The following SLC39A11 variants were observed in gnomAD, a reference collection of about 807,000 sequenced individuals.
SLC39A11 encodes zinc transporter ZIP11.
SLC39A11 carries 33 observed loss-of-function variants against 36.1 expected under a neutral mutation model. The observed-to-expected ratio is 0.91, with a 90% CI of 0.69 to 1.22. The LOEUF (loss-of-function observed/expected upper bound fraction) is 1.22, where lower values mean the gene tolerates loss of function less well. Among genes scored for constraint, SLC39A11 ranks in the 50% most tolerant of loss-of-function variants. The probability of loss-of-function intolerance (pLI) is 0.00; values close to 1 mark genes in which losing one functional copy is unlikely to be tolerated. For missense variants in SLC39A11, 432 were observed against 430.3 expected, an observed-to-expected ratio of 1.00 and a Z score of -0.03; for synonymous variants, 166 against 170.3, an observed-to-expected ratio of 0.97 and a Z score of 0.20.
intron 4 of SLC39A11, among the ~76,000 whole-genome samples, chr17:72,950,640 T>C (rs957251676): frequency 1.3e-5 from 2 of 152,208 alleles, no homozygotes; most frequent in African/African-American, 2.4e-5. Flanking sequence ...CTTTTTATAA[T>C]GTGATTGATG....
intron 6 of SLC39A11, among the ~76,000 whole-genome samples, chr17:72,752,827 A>T (rs1191394504): frequency 1.3e-5 from 2 of 152,020 alleles, no homozygotes; most frequent in Admixed American, 6.6e-5. Context: ...CAACAATTTC[A>T]TCTTTGTTTC....
intron 6 of SLC39A11, among the ~76,000 whole-genome samples, chr17:72,756,275 T>C (rs1015413204): frequency 6.6e-6 from 1 of 152,258 alleles, no homozygotes; most frequent in Non-Finnish European, 1.5e-5. Flanking sequence ...GCAATTCTAC[T>C]TCTGGATACA....
intron 4 of SLC39A11, among the ~76,000 whole-genome samples, chr17:72,982,755 T>C (rs76001538): frequency 0.025 from 3,836 of 151,978 alleles, 110 homozygotes; most frequent in East Asian, 0.12. Flanking sequence ...TGATTCAATG[T>C]TAGCAAATCT....
intron 5 of SLC39A11, among the ~76,000 whole-genome samples, chr17:72,910,398 C>T (rs933350403): frequency 6.6e-6 from 1 of 151,946 alleles, no homozygotes; most frequent in Admixed American, 6.6e-5. Flanking sequence ...CTGAGGCAGG[C>T]AGATCTCTTG....
At chr17:72,736,779 C>G (rs1216785401) in intron 6 of SLC39A11, 60 bp from the exon 7 acceptor site, 2 of 1,309,682 alleles carry the variant, frequency 1.5e-6, no homozygotes, top group Non-Finnish European at 2.2e-6. Flanking sequence ...AGGAACATCA[C>G]CATCACTGTC....
At chr17:72,823,427 C>A (rs2077880665) in intron 6 of SLC39A11, among the ~76,000 whole-genome samples, 1 of 151,216 alleles carries the variant, frequency 6.6e-6, no homozygotes, top group Non-Finnish European at 1.5e-5. Flanking sequence ...ACTCATCTGG[C>A]AACAGCAGCC....
chr17:72,979,174 C>G (rs116725332), intron 4 of SLC39A11, among the ~76,000 whole-genome samples: 2,927 of 152,246 alleles, frequency 0.019, 90 homozygotes, highest in African/African-American at 0.066. Flanking sequence ...GGCTCCTCCC[C>G]CTTCGCTTGC....
At chr17:73,026,830 G>T (rs115869540) in intron 4 of SLC39A11, among the ~76,000 whole-genome samples, 292 of 152,032 alleles carry the variant, frequency 1.9e-3, no homozygotes, top group African/African-American at 6.5e-3. Context: ...AACTGAAGGC[G>T]GGCCAGGTGT....
chr17:72,686,525 C>T (rs1253849998), intron 7 of SLC39A11, among the ~76,000 whole-genome samples: 1 of 151,844 alleles, frequency 6.6e-6, no homozygotes, highest in African/African-American at 2.4e-5. Context: ...TCCCTCCAGA[C>T]CCCCCTCTGC....
chr17:72,924,977 G>A (rs1397315911), intron 5 of SLC39A11, among the ~76,000 whole-genome samples: 1 of 149,752 alleles, frequency 6.7e-6, no homozygotes, highest in African/African-American at 2.5e-5. Context: ...ACTCCAGCCT[G>A]GGTGACAGAG....
At chr17:72,934,248 C>T (rs758727901) in intron 5 of SLC39A11, among the ~76,000 whole-genome samples, 5 of 152,098 alleles carry the variant, frequency 3.3e-5, no homozygotes, top group Admixed American at 3.3e-4. Context: ...GGCAGTTCAT[C>T]AAGATTAAAA....
chr17:72,647,191 G>C lies in SLC39A11; in HGVS notation c.*393C>G, dbSNP rs762581023. 6.0e-6 allele frequency: 1 copy of C among 167,358 alleles called. No homozygotes were observed. Among genetic ancestry groups the C allele is most frequent in the Non-Finnish European group, 1.3e-5 (1 of 77,932 alleles). 10.4% of individuals were successfully genotyped at this position (167,358 alleles called of 1,614,324 possible). A position where few individuals can be genotyped will look rare whatever the true frequency, so the allele number is the denominator to read the frequency against. ...AGGTGTGCTGGCCACTCTGCCCTGA[G>C]TCACTAGGCCACCAAAATGCTTAGG... On this transcript the variant is annotated 3_prime_UTR_variant, in exon 10 of 10. Transcript: ENST00000255559.
chr17:72,848,976 A>G (rs988018406), intron 6 of SLC39A11, among the ~76,000 whole-genome samples: 1 of 152,212 alleles, frequency 6.6e-6, no homozygotes. Flanking sequence ...GTTGACCAGA[A>G]GTCTTACCAA....
At chr17:72,960,693 T>C (rs1208712969) in intron 4 of SLC39A11, among the ~76,000 whole-genome samples, 1 of 152,076 alleles carries the variant, frequency 6.6e-6, no homozygotes, top group South Asian at 2.1e-4. Context: ...GGCATATCTC[T>C]GTGGTCCCAG....
At chr17:72,824,372 G>C (rs2145604731) in intron 6 of SLC39A11, among the ~76,000 whole-genome samples, 2 of 151,426 alleles carry the variant, frequency 1.3e-5, no homozygotes, top group East Asian at 3.9e-4. Flanking sequence ...ACAGCCTGCA[G>C]AACTGTGAGC....
chr17:72,935,955 G>A (rs1259757805), intron 5 of SLC39A11, among the ~76,000 whole-genome samples: 1 of 151,992 alleles, frequency 6.6e-6, no homozygotes. Flanking sequence ...CCAGCACTTT[G>A]GGAGGCCAAG....
chr17:72,702,933 T>C (rs1173059702), intron 7 of SLC39A11, among the ~76,000 whole-genome samples: 1 of 17,602 alleles, frequency 5.7e-5, no homozygotes, highest in African/African-American at 1.5e-4. Context: ...TGAGACTCCA[T>C]CTCACCAAAA....
intron 5 of SLC39A11, among the ~76,000 whole-genome samples, chr17:72,909,770 G>C (rs1201706216): frequency 6.8e-6 from 1 of 146,746 alleles, no homozygotes; most frequent in Admixed American, 7.0e-5. Context: ...TTTTGAGACG[G>C]AGTCTCGCTC....
intron 5 of SLC39A11, among the ~76,000 whole-genome samples, chr17:72,877,682 C>G (rs1468940122): frequency 1.3e-5 from 2 of 152,182 alleles, no homozygotes; most frequent in Non-Finnish European, 2.9e-5. Context: ...CTATTAGGAG[C>G]TGGCTGAACA....
Sources: gnomAD v4.1 joint callset for allele counts (sites outside exome capture counted in the v4.1 genomes callset) on GRCh38, gnomAD v4.1.1 for gene constraint, MANE v1.5 for transcripts, NCBI Gene and HGNC (gene_info 2026-07-23, HGNC 2026-07-21) for gene names.